Variants in AGAP1 observed in about 807,000 individuals in gnomAD.
The protein encoded by AGAP1 is ArfGAP with GTPase domain, ankyrin repeat and PH domain 1.
In AGAP1, 29 loss-of-function variants were observed where a neutral mutation model predicts 105.3. The ratio of observed to expected loss-of-function variants is 0.28; its 90% CI spans 0.21 to 0.38. The LOEUF is 0.38. Ranked by LOEUF, AGAP1 falls within the 10% of genes least tolerant of loss-of-function variation. AGAP1 has a pLI of 1.00. For synonymous variants in AGAP1, 509 were observed against 485.9 expected (o/e 1.05, Z -0.63); for missense variants, 998 against 1,165.1 (o/e 0.86, Z 2.09).
rs1317779894 is a variant in AGAP1 at position 235,792,571 on chromosome 2, C to T, written c.674-5188C>T. On this transcript the variant is annotated intron_variant, in intron 6 of 17. Transcript: ENST00000304032. This position sits in a 1 kb window ranked among gnomAD's most constrained non-coding sequence, Gnocchi z 5.3. ...CTCATTTGGAAGTTGCTTTGGTCACCAGCTGTGGAAGGATAAGTCTTAGAC... is the reference window on the plus strand; with the variant it reads ...CTCATTTGGAAGTTGCTTTGGTCACTAGCTGTGGAAGGATAAGTCTTAGAC... 1.3e-5 allele frequency among the ~76,000 whole-genome samples: 2 copies of T among 152,148 alleles called. No homozygotes were observed. Among genetic ancestry groups the T allele is most frequent in the African/African-American group, 4.8e-5 (2 of 41,422 alleles).
At position 235,769,729 on chromosome 2, in the gene AGAP1, G is replaced by T. The variant is rs772473999; in HGVS notation, c.673+19241G>T. Among the ~76,000 whole-genome samples, 1 of 152,116 alleles carries T rather than the reference G, an allele frequency of 6.6e-6. No individual in the cohort carries two copies. The highest frequency in any genetic ancestry group is 1.5e-5 in the Non-Finnish European group (1 of 68,014). The stretch of plus-strand genomic sequence containing the variant: ...AAAAAACGAAAGCAGTGACTAAAGG[G>T]CATCTCCAGGTGCCGCCTCTCACCT... On this transcript the variant is annotated intron_variant, in intron 6 of 17. Coordinates refer to ENST00000304032, the MANE Select transcript of AGAP1 (RefSeq NM_001037131.3). The surrounding 1 kb of genome is among the most constrained non-coding windows in gnomAD (Gnocchi z 4.4).
chr2:235,935,480 T>TGGTG (rs1300794042), intron 12 of AGAP1, among the ~76,000 whole-genome samples: 1 of 152,226 alleles, frequency 6.6e-6, no homozygotes, highest in Non-Finnish European at 1.5e-5. Flanking sequence ...GAATAAAAAC[T>TGGTG]GGTGGCTGTA....
In AGAP1 at chr2:235,596,574, C is replaced by A. The variant is rs993874211; in HGVS notation, c.163+101725C>A. Among the ~76,000 whole-genome samples, 5 of 152,172 alleles carry A rather than the reference C, an allele frequency of 3.3e-5. No homozygotes were observed. The highest frequency in any genetic ancestry group is 1.2e-4 in the African/African-American group (5 of 41,448). The stretch of plus-strand genomic sequence containing the variant: ...GAAAGGCAGGCAGAGTTGGAGAGAC[C>A]CTTCCCGGGTTCCTGGTTGCAGGTG... On this transcript the variant is annotated intron_variant, in intron 1 of 17. Coordinates refer to ENST00000304032, the MANE Select transcript of AGAP1 (RefSeq NM_001037131.3). This position sits in a 1 kb window ranked among gnomAD's most constrained non-coding sequence, Gnocchi z 5.9.
chr2:235,579,117 C>T (rs909692977), intron 1 of AGAP1, among the ~76,000 whole-genome samples: 12 of 152,178 alleles, frequency 7.9e-5, no homozygotes, highest in Non-Finnish European at 1.5e-4. Flanking sequence ...CACAGTGGAG[C>T]GCTCATTTTT....
rs1001255035 is a variant in AGAP1 at position 235,659,420 on chromosome 2, G to A, written c.164-49759G>A. ...TGGCTTTGGTGCACTGGGAAGGGGC[G>A]TCAGCTGGGCAGGCTGAGCCTGTCA... On this transcript the variant is annotated intron_variant, in intron 1 of 17. Coordinates refer to ENST00000304032, the MANE Select transcript of AGAP1 (RefSeq NM_001037131.3). The surrounding 1 kb of genome is among the most constrained non-coding windows in gnomAD (Gnocchi z 5.0). 3.3e-5 allele frequency among the ~76,000 whole-genome samples: 5 copies of A among 152,194 alleles called. No homozygotes were observed. Among genetic ancestry groups the A allele is most frequent in the Admixed American group, 6.5e-5 (1 of 15,286 alleles).
At chr2:235,947,967 T>C (rs1407434222) in intron 12 of AGAP1, among the ~76,000 whole-genome samples, 2 of 152,214 alleles carry the variant, frequency 1.3e-5, no homozygotes, top group Non-Finnish European at 2.9e-5. Flanking sequence ...CAGCGTGCAA[T>C]GTACGGATCA....
rs538104704 is a variant in AGAP1 at position 235,884,831 on chromosome 2, A to T, written c.1155+1382A>T. ...CACAGATAACAAAAGGCAACTTTAT[A>T]TCACTGTGTCAGGCTAGTAGTAATA... On this transcript the variant is annotated intron_variant, in intron 10 of 17. Transcript: ENST00000304032. Among the ~76,000 whole-genome samples, 6 of 151,848 alleles carry T rather than the reference A, an allele frequency of 4.0e-5. No individual in the cohort carries two copies. The South Asian group carries it at 1.3e-3, about 32-fold the overall frequency.
rs537671030 is a variant in AGAP1 at position 235,866,150 on chromosome 2, C to T, written c.1051-17195C>T. Among the ~76,000 whole-genome samples the T allele has an allele frequency of 1.1e-4, 17 of 152,210 alleles. No homozygotes were observed. The highest frequency in any genetic ancestry group is 3.9e-4 in the African/African-American group (16 of 41,538). ...AGGCAGCAGCATGCGATGCCCTGTGCGCATCTTTATTTTTGGTTTTAGATT... is the reference window on the plus strand; with the variant it reads ...AGGCAGCAGCATGCGATGCCCTGTGTGCATCTTTATTTTTGGTTTTAGATT... On this transcript the variant is annotated intron_variant, in intron 9 of 17. Coordinates refer to ENST00000304032, the MANE Select transcript of AGAP1 (RefSeq NM_001037131.3). The surrounding 1 kb of genome is among the most constrained non-coding windows in gnomAD (Gnocchi z 6.1).
rs1172737406 is a variant in AGAP1, at chr2:235,572,976, TTTCTTCTTCTTCTTCTTC to T, written c.163+78196_163+78213del. 7.3e-3 allele frequency among the ~76,000 whole-genome samples: 756 copies of T among 103,990 alleles called. 37 individuals carry two copies. The highest frequency in any genetic ancestry group is 0.022 in the Middle Eastern group (5 of 224). The allele number at this position is 103,990 out of a possible 152,430, so 68.2% of individuals were successfully genotyped here. ...CAGACTCCCCGATTGCTCCATCTTTTTTCTTCTTCTTCTTCTTCTTCTTCTTCTTCTTCTTCTTCTTCT... is the reference window on the plus strand; with the variant it reads ...CAGACTCCCCGATTGCTCCATCTTTTTTCTTCTTCTTCTTCTTCTTCTTCT... On this transcript the variant is annotated intron_variant, in intron 1 of 17. Transcript: ENST00000304032.
In AGAP1 at chr2:235,655,379, A is replaced by C. The variant is rs1947740021; in HGVS notation, c.164-53800A>C. Among the ~76,000 whole-genome samples the C allele has an allele frequency of 6.6e-6, 1 of 152,150 alleles. No homozygotes were observed. The highest frequency in any genetic ancestry group is 2.4e-5 in the African/African-American group (1 of 41,438). ...GAAAGCTGGAAAGTGATGTGGCCTG[A>C]ATTCCTTTCTAGGTAATTTCAATGT... On this transcript the variant is annotated intron_variant, in intron 1 of 17. Transcript: ENST00000304032. This position sits in a 1 kb window ranked among gnomAD's most constrained non-coding sequence, Gnocchi z 4.3.
Position 235,599,022 on chromosome 2 carries a change from A to G in AGAP1, c.163+104173A>G, listed in dbSNP as rs1945639001. Reference sequence around the variant, plus strand: ...GACATTTGCGTCTGTGGTGGTGTACACAGATGAGCTCACTGCTGTCCTCGG... The same window carrying G: ...GACATTTGCGTCTGTGGTGGTGTACGCAGATGAGCTCACTGCTGTCCTCGG... On this transcript the variant is annotated intron_variant, in intron 1 of 17. Coordinates refer to ENST00000304032, the MANE Select transcript of AGAP1 (RefSeq NM_001037131.3). This position sits in a 1 kb window ranked among gnomAD's most constrained non-coding sequence, Gnocchi z 5.3. Among the ~76,000 whole-genome samples the G allele has an allele frequency of 6.6e-6, 1 of 152,186 alleles. No individual in the cohort carries two copies. Among genetic ancestry groups the G allele is most frequent in the Non-Finnish European group, 1.5e-5 (1 of 68,050 alleles).
chr2:236,085,530 C>A (rs1458565305), intron 16 of AGAP1, among the ~76,000 whole-genome samples: 1 of 152,230 alleles, frequency 6.6e-6, no homozygotes, highest in African/African-American at 2.4e-5. Context: ...CAAAGAGCAA[C>A]AAACACTGTT....
Position 235,712,763 on chromosome 2 carries a change from A to G in AGAP1, c.222+3526A>G, listed in dbSNP as rs1193084255. Reference sequence around the variant, plus strand: ...CCTGCCTTAAGTACGTAGTTCTGTGATTTTCAAGACACCTCATTCCTCCTC... The same window carrying G: ...CCTGCCTTAAGTACGTAGTTCTGTGGTTTTCAAGACACCTCATTCCTCCTC... On this transcript the variant is annotated intron_variant, in intron 2 of 17. Coordinates refer to ENST00000304032, the MANE Select transcript of AGAP1 (RefSeq NM_001037131.3). The surrounding 1 kb of genome is among the most constrained non-coding windows in gnomAD (Gnocchi z 6.0). 6.6e-6 allele frequency among the ~76,000 whole-genome samples: 1 copy of G among 152,060 alleles called. No homozygotes were observed. The highest frequency in any genetic ancestry group is 2.4e-5 in the African/African-American group (1 of 41,394).
chr2:236,098,464 G>A (rs1490984754), intron 16 of AGAP1, among the ~76,000 whole-genome samples: 7 of 151,526 alleles, frequency 4.6e-5, no homozygotes, highest in African/African-American at 1.5e-4. Context: ...CAGCTACCAG[G>A]GAGGCAGAGA....
rs1314193607 is a variant in AGAP1 at position 235,611,001 on chromosome 2, C to T, written c.164-98178C>T. On this transcript the variant is annotated intron_variant, in intron 1 of 17. Transcript: ENST00000304032. This position sits in a 1 kb window ranked among gnomAD's most constrained non-coding sequence, Gnocchi z 5.0. ...TTTCTTCCTAAGGCACCGTCTTCCT[C>T]ATTGAAACTGTGCCCATGACCTCCG... Among the ~76,000 whole-genome samples the T allele has an allele frequency of 1.3e-5, 2 of 152,146 alleles. No homozygotes were observed. The highest frequency in any genetic ancestry group is 4.8e-5 in the African/African-American group (2 of 41,406).
At position 235,609,315 on chromosome 2, in the gene AGAP1, CAGG is replaced by C. The variant is rs753380033; in HGVS notation, c.164-99861_164-99859del. Among the ~76,000 whole-genome samples, 14 of 152,206 alleles carry C rather than the reference CAGG, an allele frequency of 9.2e-5. No homozygotes were observed. The highest frequency in any genetic ancestry group is 1.5e-4 in the Non-Finnish European group (10 of 68,022). On this transcript the variant is annotated intron_variant, in intron 1 of 17. Coordinates refer to ENST00000304032, the MANE Select transcript of AGAP1 (RefSeq NM_001037131.3). The surrounding 1 kb of genome is among the most constrained non-coding windows in gnomAD (Gnocchi z 5.1). Reference sequence around the variant, plus strand: ...GAACACAATGAAATTGAGTCCCTAGCAGGAGAAGTCCCTGTTAAAATGGCCAGA... The same window carrying C: ...GAACACAATGAAATTGAGTCCCTAGCAGAAGTCCCTGTTAAAATGGCCAGA...
At chr2:235,538,588 T>C (rs1226497342) in intron 1 of AGAP1, among the ~76,000 whole-genome samples, 2 of 152,010 alleles carry the variant, frequency 1.3e-5, no homozygotes, top group African/African-American at 4.8e-5. Flanking sequence ...GTTGCAGGCA[T>C]GGAGCAAATT....
At position 235,705,301 on chromosome 2, in the gene AGAP1, A is replaced by G. The variant is rs546631180; in HGVS notation, c.164-3878A>G. On this transcript the variant is annotated intron_variant, in intron 1 of 17. Transcript: ENST00000304032. The surrounding 1 kb of genome is among the most constrained non-coding windows in gnomAD (Gnocchi z 4.9). ...GCCCAGACACTTCTGAGAACGAGCT[A>G]CATCCTCTGTGCCACTGGATTCTGG... Among the ~76,000 whole-genome samples the G allele has an allele frequency of 5.9e-5, 9 of 152,274 alleles. No homozygotes were observed. The highest frequency in any genetic ancestry group is 2.2e-4 in the African/African-American group (9 of 41,570).
intron 12 of AGAP1, among the ~76,000 whole-genome samples, chr2:235,955,254 T>A (rs568850420): frequency 1.1e-4 from 16 of 152,170 alleles, no homozygotes; most frequent in Non-Finnish European, 2.1e-4. Context: ...TCTGCTTCCT[T>A]CTTGTACCCT....
Sources: gnomAD v4.1 joint callset for allele counts (sites outside exome capture counted in the v4.1 genomes callset) on GRCh38, gnomAD v4.1.1 for gene constraint, Gnocchi (gnomAD v3.1) non-coding constraint, MANE v1.5 for transcripts, NCBI Gene and HGNC (gene_info 2026-07-23, HGNC 2026-07-21) for gene names.